ZNF474: variants seen among roughly 807,000 people sequenced by gnomAD.
The protein encoded by ZNF474 is 4933409D10Rik.
For synonymous variants in ZNF474, 192 were observed against 162.2 expected (o/e 1.18, Z -1.39); for missense variants, 511 against 433.8 (o/e 1.18, Z -1.58).
intron 1 of ZNF474, among the ~76,000 whole-genome samples, chr5:122,136,352 C>A (rs766371029): frequency 6.6e-6 from 1 of 152,142 alleles, no homozygotes; most frequent in African/African-American, 2.4e-5. Context: ...AAGTCATTAG[C>A]ACTCAGAACA....
intron 1 of ZNF474, among the ~76,000 whole-genome samples, chr5:122,135,459 G>A (rs1184629796): frequency 6.6e-6 from 1 of 152,140 alleles, no homozygotes; most frequent in African/African-American, 2.4e-5. Flanking sequence ...CTCATCTCAG[G>A]TAAAATGGAT....
In ZNF474 at chr5:122,143,623, A is replaced by G. The variant is rs181372695; in HGVS notation, c.-212-8156A>G. Among the ~76,000 whole-genome samples, 1,089 of 152,270 alleles carry G rather than the reference A, an allele frequency of 7.2e-3. 19 individuals are homozygous for G. The highest frequency in any genetic ancestry group is 0.025 in the African/African-American group (1,025 of 41,560). Reference sequence around the variant, plus strand: ...CAAACTAATTTATAGGTATTTCTTGACAAAATGGACAGCTTGGCAGAAAGA... The same window carrying G: ...CAAACTAATTTATAGGTATTTCTTGGCAAAATGGACAGCTTGGCAGAAAGA... On this transcript the variant is annotated intron_variant, in intron 1 of 1. Transcript: ENST00000296600.
intron 1 of ZNF474, among the ~76,000 whole-genome samples, chr5:122,149,997 G>A (rs1030531206): frequency 5.9e-5 from 9 of 151,838 alleles, no homozygotes; most frequent in Non-Finnish European, 1.0e-4. Flanking sequence ...TTAGGGGAAG[G>A]AGGCTTATTT....
At chr5:122,138,679 G>A (rs1755764566) in intron 1 of ZNF474, among the ~76,000 whole-genome samples, 1 of 152,074 alleles carries the variant, frequency 6.6e-6, no homozygotes, top group South Asian at 2.1e-4. Context: ...ATTGTGGCAT[G>A]GATTAATTAC....
Position 122,152,634 on chromosome 5 carries a change from C to T in ZNF474, c.644C>T (p.Thr215Ile). ...GGCCTCAAGAAAGCTTGTAGTGGAA[C>T]CCCAGCCCGACCAAGGACTGTTATC... ...LTGLKKACSG[T>I]PARPRTVICY... is the part of the protein sequence containing the mutation. Residue 215 changes from threonine (T) to isoleucine (I), a missense_variant, in exon 2 of 2, where the codon ACC (threonine) becomes ATC (isoleucine). Physicochemically the swap from Thr to Ile is moderately conservative, Grantham distance 89. Transcript: ENST00000296600. The T allele has an allele frequency of 1.9e-6, 3 of 1,614,182 alleles. No homozygotes were observed. The highest frequency in any genetic ancestry group is 2.5e-6 in the Non-Finnish European group (3 of 1,180,040).
rs116006767 is a variant in ZNF474 at position 122,152,990 on chromosome 5, C to G, written c.1000C>G (p.Gln334Glu). 2 of 1,613,910 alleles carry G rather than the reference C, an allele frequency of 1.2e-6. No homozygotes were observed. The highest frequency in any genetic ancestry group is 1.7e-6 in the Non-Finnish European group (2 of 1,180,040). ...GGLKEYTNSK[Q>E]QRNRAAPSVT... ...CCTAAAAGAGTACACTAATTCCAAGCAGCAAAGGAACAGGGCAGCACCCAG... is the reference window on the plus strand; with the variant it reads ...CCTAAAAGAGTACACTAATTCCAAGGAGCAAAGGAACAGGGCAGCACCCAG... The change falls in exon 2 of 2, where the codon CAG (glutamine) becomes GAG (glutamate). Residue 334 changes from glutamine to glutamate, a missense_variant. Physicochemically the swap from Gln to Glu is conservative, Grantham distance 29. Transcript: ENST00000296600.
chr5:122,138,814 G>C (rs953529052), intron 1 of ZNF474, among the ~76,000 whole-genome samples: 1 of 152,122 alleles, frequency 6.6e-6, no homozygotes, highest in Non-Finnish European at 1.5e-5. Flanking sequence ...GTGTATTCAT[G>C]TGTCTGAACA....
chr5:122,145,038 A>T (rs971935103), intron 1 of ZNF474, among the ~76,000 whole-genome samples: 1 of 152,226 alleles, frequency 6.6e-6, no homozygotes, highest in African/African-American at 2.4e-5. Flanking sequence ...TAGAAGCGCA[A>T]AGAGTGCATT....
Position 122,152,673 on chromosome 5 carries a change from G to T in ZNF474, c.683G>T (p.Gly228Val). 1 of 1,614,146 alleles carries T rather than the reference G, an allele frequency of 6.2e-7. No individual in the cohort carries two copies. The highest frequency in any genetic ancestry group is 8.5e-7 in the Non-Finnish European group (1 of 1,180,026). ...RPRTVICYIC[G>V]KEFGTLSLPI... is the part of the protein sequence containing the mutation. ...AGGACTGTTATCTGCTACATATGTG[G>T]TAAGGAATTTGGCACCCTGTCCCTT... Residue 228 changes from glycine (G) to valine (V), a missense_variant, in exon 2 of 2, where the codon GGT (glycine) becomes GTT (valine). Transcript: ENST00000296600.
intron 1 of ZNF474, among the ~76,000 whole-genome samples, chr5:122,140,259 A>G (rs1403975229): frequency 5.3e-5 from 8 of 152,234 alleles, no homozygotes; most frequent in Admixed American, 4.6e-4. Context: ...AAAATTATAT[A>G]GAGCTTAATA....
chr5:122,131,655 C>T (rs983225825), intron 1 of ZNF474, among the ~76,000 whole-genome samples: 3 of 151,820 alleles, frequency 2.0e-5, no homozygotes, highest in African/African-American at 4.8e-5. Context: ...ATTCTGGATT[C>T]GGACCCAGGA....
chr5:122,150,238 A>G (rs1756129142), intron 1 of ZNF474, among the ~76,000 whole-genome samples: 1 of 152,000 alleles, frequency 6.6e-6, no homozygotes, highest in Admixed American at 6.6e-5. Context: ...CGAGTGATAA[A>G]TTTCTCTGTT....
Position 122,152,397 on chromosome 5 carries a change from C to T in ZNF474, c.407C>T (p.Pro136Leu), listed in dbSNP as rs1375767433. The change falls in exon 2 of 2, where the codon CCC becomes CTC. Residue 136 changes from proline to leucine, a missense_variant. Transcript: ENST00000296600. ...KLPKHLRRPE[P>L]SKPQSLSSSG... ...CCCAAGCATTTGAGGAGGCCAGAACCCTCCAAACCACAGTCTCTCAGCAGC... is the reference window on the plus strand; with the variant it reads ...CCCAAGCATTTGAGGAGGCCAGAACTCTCCAAACCACAGTCTCTCAGCAGC... 3 of 1,614,174 alleles carry T rather than the reference C, an allele frequency of 1.9e-6. No homozygotes were observed. Among genetic ancestry groups the T allele is most frequent in the East Asian group, 2.2e-5 (1 of 44,862 alleles).
intron 1 of ZNF474, among the ~76,000 whole-genome samples, chr5:122,149,903 G>GTGTGTGTGTGTGTT (rs1186152932): frequency 1.3e-5 from 2 of 151,048 alleles, no homozygotes; most frequent in African/African-American, 4.9e-5. Context: ...GTGTGTGTGT[G>GTGTGTGTGTGTGTT]TGTGTGTGTG....
intron 1 of ZNF474, among the ~76,000 whole-genome samples, chr5:122,132,193 A>G (rs1055780797): frequency 1.3e-5 from 2 of 152,248 alleles, no homozygotes; most frequent in Middle Eastern, 3.4e-3. Flanking sequence ...ACAATATTCT[A>G]TTGTATGAAT....
In ZNF474 at chr5:122,153,309, C is replaced by A; in HGVS notation, c.*224C>A. The A allele has an allele frequency of 4.0e-6, 2 of 499,982 alleles. No homozygotes were observed. Among genetic ancestry groups the A allele is most frequent in the Non-Finnish European group, 7.0e-6 (2 of 284,190 alleles). 31.0% of individuals were successfully genotyped at this position (499,982 alleles called of 1,614,324 possible). On this transcript the variant is annotated 3_prime_UTR_variant, in exon 2 of 2. Transcript: ENST00000296600. ...AAAAGAAGAAGAGATGGACTTCTTT[C>A]TTCCCTGATCCCTGATACAAATAAT...
chr5:122,137,396 G>T (rs1157864180), intron 1 of ZNF474, among the ~76,000 whole-genome samples: 4 of 122,350 alleles, frequency 3.3e-5, no homozygotes, highest in Admixed American at 2.2e-4. Context: ...GCAGTGAGCC[G>T]AGATTATGCC....
At chr5:122,144,223 T>C (rs889294536) in intron 1 of ZNF474, among the ~76,000 whole-genome samples, 1 of 152,234 alleles carries the variant, frequency 6.6e-6, no homozygotes, top group African/African-American at 2.4e-5. Context: ...CTAATAAATA[T>C]GTTGTATTTA....
intron 1 of ZNF474, among the ~76,000 whole-genome samples, chr5:122,149,617 T>C: frequency 6.6e-6 from 1 of 152,190 alleles, no homozygotes; most frequent in East Asian, 1.9e-4. Context: ...CACAGTTCTG[T>C]CATTTAGAAA....
Sources: gnomAD v4.1 joint callset for allele counts (sites outside exome capture counted in the v4.1 genomes callset) on GRCh38, gnomAD v4.1.1 for gene constraint, MANE v1.5 for transcripts, NCBI Gene and HGNC (gene_info 2026-07-23, HGNC 2026-07-21) for gene names.